The following GSK3B variants were observed in gnomAD, a reference collection of about 807,000 sequenced individuals.
The protein encoded by GSK3B is glycogen synthase kinase-3 beta.
GSK3B carries 15 observed loss-of-function variants against 56.4 expected under a neutral mutation model. The ratio of observed to expected loss-of-function variants is 0.27; its 90% CI spans 0.18 to 0.41. The LOEUF is 0.41. Ranked by LOEUF, GSK3B falls within the 10% of genes least tolerant of loss-of-function variation. The pLI is 1.00. For synonymous variants in GSK3B, 181 were observed against 188.9 expected, an observed-to-expected ratio of 0.96 and a Z score of 0.34; for missense variants, 300 against 513.4, an observed-to-expected ratio of 0.58 and a Z score of 4.02.
chr3:119,825,846 A>G lies in GSK3B; in HGVS notation c.*942T>C, dbSNP rs2055495387. On this transcript the variant is annotated 3_prime_UTR_variant, in exon 11 of 11. Transcript: ENST00000264235. The stretch of plus-strand genomic sequence containing the variant: ...CCAAGGGAAGTAACTTTAGAAAAAA[A>G]TCTGGACAAACTTATTCACAGTGGT... 1 of 218,666 alleles carries G rather than the reference A, an allele frequency of 4.6e-6. No homozygotes were observed. Among genetic ancestry groups the G allele is most frequent in the South Asian group, 1.9e-4 (1 of 5,384 alleles). 13.5% of individuals were successfully genotyped at this position (218,666 alleles called of 1,614,324 possible). A position where few individuals can be genotyped will look rare whatever the true frequency, so the allele number is the denominator to read the frequency against.
At chr3:120,072,566 A>G (rs1384208885) in intron 1 of GSK3B, among the ~76,000 whole-genome samples, 1 of 152,204 alleles carries the variant, frequency 6.6e-6, no homozygotes, top group Non-Finnish European at 1.5e-5. Context: ...CAGCCTGAGC[A>G]AGACTCAGTC....
chr3:120,041,015 A>G (rs1382762002), intron 1 of GSK3B, among the ~76,000 whole-genome samples: 1 of 152,124 alleles, frequency 6.6e-6, no homozygotes, highest in Non-Finnish European at 1.5e-5. Context: ...GGTGGGCAGC[A>G]TCAAGGATCT....
intron 2 of GSK3B, among the ~76,000 whole-genome samples, chr3:119,984,693 T>C (rs1248125923): frequency 6.6e-6 from 1 of 152,032 alleles, no homozygotes; most frequent in Non-Finnish European, 1.5e-5. Flanking sequence ...AATAGACCAA[T>C]AACAGGCTCT....
chr3:119,993,669 G>C (rs1055875130), intron 2 of GSK3B, among the ~76,000 whole-genome samples: 1 of 152,156 alleles, frequency 6.6e-6, no homozygotes, highest in Non-Finnish European at 1.5e-5. Flanking sequence ...TCTCAGTTCA[G>C]AAAGAGGAGT....
chr3:120,090,230 T>G (rs1185137908), intron 1 of GSK3B, among the ~76,000 whole-genome samples: 1 of 146,204 alleles, frequency 6.8e-6, no homozygotes, highest in African/African-American at 2.5e-5. Context: ...AAGCTGTATA[T>G]AAAAAAAAAA....
At chr3:119,904,999 C>A (rs1388058784) in intron 7 of GSK3B, among the ~76,000 whole-genome samples, 20 of 146,214 alleles carry the variant, frequency 1.4e-4, no homozygotes, top group African/African-American at 5.0e-4. Flanking sequence ...CCTTTAAGAT[C>A]TCAAATATTT....
chr3:120,046,876 G>A (rs1392612331), intron 1 of GSK3B, among the ~76,000 whole-genome samples: 1 of 152,158 alleles, frequency 6.6e-6, no homozygotes, highest in East Asian at 1.9e-4. Context: ...CTCCCAAAGT[G>A]CTGGGATTAT....
intron 3 of GSK3B, among the ~76,000 whole-genome samples, chr3:119,923,955 T>C (rs1413588643): frequency 1.3e-5 from 2 of 152,196 alleles, no homozygotes; most frequent in Non-Finnish European, 2.9e-5. Context: ...TTTCTTCAAC[T>C]ACAATATGAA....
intron 10 of GSK3B, among the ~76,000 whole-genome samples, chr3:119,833,692 T>G (rs1030431256): frequency 1.5e-5 from 2 of 134,012 alleles, no homozygotes; most frequent in African/African-American, 3.1e-5. Flanking sequence ...ATTAGGTTGT[T>G]TTTTTTTTTT....
At chr3:119,938,404 A>C (rs143506560) in intron 3 of GSK3B, among the ~76,000 whole-genome samples, 4 of 152,262 alleles carry the variant, frequency 2.6e-5, no homozygotes, top group South Asian at 4.1e-4. Flanking sequence ...GAAATCTAAT[A>C]GCATATTAAA....
intron 1 of GSK3B, among the ~76,000 whole-genome samples, chr3:120,031,667 A>G (rs1294846371): frequency 6.6e-6 from 1 of 152,212 alleles, no homozygotes; most frequent in Non-Finnish European, 1.5e-5. Context: ...CCAATCCCAC[A>G]ATGCAGTTAT....
At chr3:119,958,300 T>A in intron 2 of GSK3B, among the ~76,000 whole-genome samples, 1 of 148,362 alleles carries the variant, frequency 6.7e-6, no homozygotes, top group Non-Finnish European at 1.5e-5. Context: ...TCTCAAGGAG[T>A]ATCCTTACAG....
At chr3:119,855,355 A>C (rs1048995839) in intron 9 of GSK3B, among the ~76,000 whole-genome samples, 14 of 152,324 alleles carry the variant, frequency 9.2e-5, no homozygotes, top group Middle Eastern at 3.4e-3. Flanking sequence ...ATGTGGAAAA[A>C]TAGGAACACT....
intron 1 of GSK3B, among the ~76,000 whole-genome samples, chr3:120,066,895 A>C (rs1039724009): frequency 6.6e-6 from 1 of 152,234 alleles, no homozygotes; most frequent in Non-Finnish European, 1.5e-5. Flanking sequence ...TGTAGTTTGC[A>C]GAAACCTTGA....
At chr3:119,902,347 G>A (rs2056633265) in intron 7 of GSK3B, among the ~76,000 whole-genome samples, 1 of 152,008 alleles carries the variant, frequency 6.6e-6, no homozygotes, top group Admixed American at 6.6e-5. Flanking sequence ...ATAGGAAGGA[G>A]GGAGGGAGGG....
chr3:120,065,896 G>T (rs1177911079), intron 1 of GSK3B, among the ~76,000 whole-genome samples: 1 of 152,118 alleles, frequency 6.6e-6, no homozygotes, highest in Non-Finnish European at 1.5e-5. Flanking sequence ...CAAATGTCCA[G>T]AATAAGCAAA....
At position 119,977,218 on chromosome 3, in the gene GSK3B, A is replaced by G. The variant is rs80092314; in HGVS notation, c.282+24828T>C. Among the ~76,000 whole-genome samples the G allele has an allele frequency of 4.8e-3, 734 of 152,334 alleles. 12 individuals are homozygous for G. The highest frequency in any genetic ancestry group is 0.017 in the African/African-American group (714 of 41,576). On this transcript the variant is annotated intron_variant, in intron 2 of 10. Transcript: ENST00000264235. ...CTTCAGAAACTATAAAAGCAGCATA[A>G]AACAGTCTGTATCCTTAAGAAACTC...
At chr3:120,075,282 G>A (rs1238845262) in intron 1 of GSK3B, among the ~76,000 whole-genome samples, 1 of 152,074 alleles carries the variant, frequency 6.6e-6, no homozygotes, top group Non-Finnish European at 1.5e-5. Flanking sequence ...CATAATCAAT[G>A]GCGAGAAACT....
chr3:120,085,209 G>A (rs557137339), intron 1 of GSK3B, among the ~76,000 whole-genome samples: 8 of 152,190 alleles, frequency 5.3e-5, no homozygotes, highest in South Asian at 2.1e-4. Context: ...AATTACTGCC[G>A]TTATTACCAT....
Sources: allele counts gnomAD v4.1 joint callset (sites outside exome capture counted in the v4.1 genomes callset), GRCh38; gene constraint gnomAD v4.1.1; transcripts MANE v1.5; gene names NCBI Gene and HGNC (gene_info 2026-07-23, HGNC 2026-07-21).